The following DLC1 variants were observed in gnomAD, a reference collection of about 807,000 sequenced individuals.
DLC1 encodes DLC1 Rho GTPase activating protein.
A neutral mutation model predicts 140.3 loss-of-function variants in DLC1; 54 were observed. The ratio of observed to expected loss-of-function variants is 0.38; its 90% CI spans 0.31 to 0.48. DLC1 has a LOEUF of 0.48. Ranked by LOEUF, DLC1 falls within the 20% of genes least tolerant of loss-of-function variation. The probability of loss-of-function intolerance (pLI) is 0.96; values close to 1 mark genes in which losing one functional copy is unlikely to be tolerated. For missense variants in DLC1, 2,536 were observed against 1,907.0 expected (o/e 1.33, Z -6.14); for synonymous variants, 986 against 728.1 (o/e 1.35, Z -5.70).
chr8:13,099,775 T>C lies in DLC1; in HGVS notation c.2562A>G (p.Glu854=). 1.2e-6 allele frequency: 2 copies of C among 1,614,138 alleles called. No homozygotes were observed. Among genetic ancestry groups the C allele is most frequent in the Middle Eastern group, 1.6e-4 (1 of 6,062 alleles). Residue 854 remains glutamate (E), a synonymous_variant, in exon 9 of 18, where the codon GAA becomes GAG. Coordinates refer to ENST00000276297, the MANE Select transcript of DLC1 (RefSeq NM_182643.3). ...HGPGHISLRR[E]NSSDSPKELK... is the part of the protein sequence containing the mutation. ...GTTCCTTGGGGCTGTCGCTACTGTT[T>C]TCCCTCCTGAGGCTGATGTGGCCAG... is the stretch of plus-strand genomic sequence containing the variant.
intron 1 of DLC1, among the ~76,000 whole-genome samples, chr8:13,600,885 T>G (rs1805853063): frequency 6.6e-6 from 1 of 151,918 alleles, no homozygotes. Context: ...AGTCATTTAC[T>G]ACTTCAAATG....
At chr8:13,395,812 G>T (rs932909706) in intron 3 of DLC1, among the ~76,000 whole-genome samples, 1 of 151,472 alleles carries the variant, frequency 6.6e-6, no homozygotes, top group African/African-American at 2.4e-5. Flanking sequence ...CTGATGCCTG[G>T]AATGATTTTG....
intron 7 of DLC1, among the ~76,000 whole-genome samples, chr8:13,105,975 G>A (rs575401625): frequency 2.6e-5 from 4 of 152,306 alleles, no homozygotes; most frequent in East Asian, 3.9e-4. Context: ...TATGCTGGGC[G>A]TAACCCATCC....
At chr8:13,446,942 CA>C (rs551397614) in intron 2 of DLC1, among the ~76,000 whole-genome samples, 6,070 of 119,648 alleles carry the variant, frequency 0.051, 369 homozygotes, top group African/African-American at 0.16. Flanking sequence ...AACTCCATCT[CA>C]AAAAAAAAAA....
chr8:13,247,145 G>T (rs1829798670), intron 5 of DLC1, among the ~76,000 whole-genome samples: 2 of 152,252 alleles, frequency 1.3e-5, no homozygotes, highest in South Asian at 4.1e-4. Context: ...AGAGACAAAA[G>T]GCAAAAATAT....
intron 1 of DLC1, among the ~76,000 whole-genome samples, chr8:13,582,325 G>A (rs769002229): frequency 1.3e-5 from 2 of 152,198 alleles, no homozygotes; most frequent in African/African-American, 4.8e-5. Context: ...AATACTAAAT[G>A]TCAACTTGAT....
At chr8:13,495,624 A>G (rs527693797) in intron 2 of DLC1, among the ~76,000 whole-genome samples, 2 of 152,318 alleles carry the variant, frequency 1.3e-5, no homozygotes, top group South Asian at 4.1e-4. Context: ...AAATAAAGGT[A>G]TATACTTGTA....
intron 1 of DLC1, among the ~76,000 whole-genome samples, chr8:13,568,964 G>C (rs1450551363): frequency 6.6e-6 from 1 of 152,178 alleles, no homozygotes; most frequent in Non-Finnish European, 1.5e-5. Context: ...GTAAAGCTGG[G>C]GTTAGGTGTT....
intron 1 of DLC1, among the ~76,000 whole-genome samples, chr8:13,583,400 G>C (rs1442439157): frequency 6.6e-6 from 1 of 152,154 alleles, no homozygotes; most frequent in Non-Finnish European, 1.5e-5. Context: ...GCAACTCTCT[G>C]TTGGTTCAGG....
intron 2 of DLC1, among the ~76,000 whole-genome samples, chr8:13,431,040 A>G (rs1838838936): frequency 6.6e-6 from 1 of 152,214 alleles, no homozygotes; most frequent in South Asian, 2.1e-4. Context: ...ATGTCAGTCA[A>G]CTGAGGGTTT....
intron 5 of DLC1, among the ~76,000 whole-genome samples, chr8:13,253,711 A>T (rs1490805660): frequency 6.6e-6 from 1 of 152,216 alleles, no homozygotes; most frequent in African/African-American, 2.4e-5. Context: ...CAGGCTGCAC[A>T]TCCTGTGATG....
intron 5 of DLC1, among the ~76,000 whole-genome samples, chr8:13,183,745 G>T (rs113537433): frequency 0.1 from 15,758 of 152,110 alleles, 948 homozygotes; most frequent in South Asian, 0.19. Flanking sequence ...TTTTTGCATC[G>T]ATGTTCATCA....
At chr8:13,110,575 C>G (rs1013998663) in intron 7 of DLC1, among the ~76,000 whole-genome samples, 167 bp downstream of exon 7, 17 of 152,112 alleles carry the variant, frequency 1.1e-4, no homozygotes, top group Non-Finnish European at 2.2e-4. Flanking sequence ...TACTAAATAA[C>G]AATATTTTAC....
intron 7 of DLC1, among the ~76,000 whole-genome samples, chr8:13,107,371 A>C (rs1260586258): frequency 6.6e-6 from 1 of 152,218 alleles, no homozygotes; most frequent in Non-Finnish European, 1.5e-5. Context: ...TGCTAGAGTA[A>C]ATACGAGATC....
chr8:13,095,054 T>C (rs573082775), intron 11 of DLC1, 32 bp downstream of exon 11: 4 of 1,613,626 alleles, frequency 2.5e-6, no homozygotes, highest in East Asian at 2.2e-5. Flanking sequence ...CGAGCTCCCC[T>C]GAGTACGTGG....
At chr8:13,114,640 A>G (rs947917005) in intron 6 of DLC1, among the ~76,000 whole-genome samples, 1 of 152,220 alleles carries the variant, frequency 6.6e-6, no homozygotes, top group African/African-American at 2.4e-5. Flanking sequence ...GGTGGGAAAG[A>G]TATCTGCAAC....
intron 1 of DLC1, among the ~76,000 whole-genome samples, chr8:13,512,797 T>C (rs1024172948): frequency 2.6e-5 from 4 of 152,122 alleles, no homozygotes; most frequent in Non-Finnish European, 5.9e-5. Flanking sequence ...TTAAAATTAA[T>C]ATAATTATTA....
At chr8:13,112,633 G>A (rs1820211639) in intron 6 of DLC1, among the ~76,000 whole-genome samples, 1 of 152,202 alleles carries the variant, frequency 6.6e-6, no homozygotes, top group Non-Finnish European at 1.5e-5. Context: ...AATGGAAACT[G>A]GAGCACTAGT....
rs145268693 is a variant in DLC1, at chr8:13,189,301, A to G, written c.1349-73644T>C. On this transcript the variant is annotated intron_variant, in intron 5 of 17. Transcript: ENST00000276297. Reference sequence around the variant, plus strand: ...ATATTCTCCTCTTTGCACCAATACAAGTGGAACTCCAGCCAAGAAATAAAT... The same window carrying G: ...ATATTCTCCTCTTTGCACCAATACAGGTGGAACTCCAGCCAAGAAATAAAT... 4.6e-5 allele frequency among the ~76,000 whole-genome samples: 7 copies of G among 152,278 alleles called. 1 individual carries two copies. The highest frequency in any genetic ancestry group is 1.7e-4 in the African/African-American group (7 of 41,556).
Sources: gnomAD v4.1 joint callset for allele counts (sites outside exome capture counted in the v4.1 genomes callset) on GRCh38, gnomAD v4.1.1 for gene constraint, MANE v1.5 for transcripts, NCBI Gene and HGNC (gene_info 2026-07-23, HGNC 2026-07-21) for gene names.